ADORA2B: variants seen among roughly 807,000 people sequenced by gnomAD.
ADORA2B encodes the protein adenosine receptor A2b.
A neutral mutation model predicts 20.8 loss-of-function variants in ADORA2B; 18 were observed. The observed-to-expected ratio is 0.87, with a 90% confidence interval of 0.60 to 1.29. The LOEUF (loss-of-function observed/expected upper bound fraction) is 1.29, where lower values mean the gene tolerates loss of function less well. Among genes scored for constraint, ADORA2B ranks in the 50% most tolerant of loss-of-function variants. The pLI, the probability that ADORA2B is intolerant of heterozygous loss-of-function variation, is 0.00. For missense variants in ADORA2B, 441 were observed against 422.7 expected, an observed-to-expected ratio of 1.04 and a Z score of -0.38; for synonymous variants, 179 against 178.3, an observed-to-expected ratio of 1.00 and a Z score of -0.03.
At chr17:15,851,077 C>T in the ADORA2B span, among the ~76,000 whole-genome samples, 1 of 152,070 alleles carries the variant, frequency 6.6e-6, no homozygotes, top group Non-Finnish European at 1.5e-5. Context: ...TATAGCCATA[C>T]TTCTACTGAT....
In ADORA2B at chr17:15,975,583, T is replaced by C; in HGVS notation, c.*241T>C. On this transcript the variant is annotated 3_prime_UTR_variant, in exon 2 of 2. Transcript: ENST00000304222. ...TTACTGTGTGGATTATGCCAACAGC[T>C]TGAATGGATTCTAACAGACTCTTTT... 1.9e-6 allele frequency: 1 copy of C among 520,382 alleles called. No homozygotes were observed. The highest frequency in any genetic ancestry group is 3.1e-5 in the East Asian group (1 of 32,200). The allele number at this position is 520,382 out of a possible 1,614,324, so 32.2% of individuals were successfully genotyped here.
chr17:15,857,109 T>G, the ADORA2B span, among the ~76,000 whole-genome samples: 1 of 152,232 alleles, frequency 6.6e-6, no homozygotes, highest in Non-Finnish European at 1.5e-5. Flanking sequence ...CCAGCTGCTC[T>G]AGCTCCAGTG....
At chr17:15,900,082 G>C in the ADORA2B span, among the ~76,000 whole-genome samples, 1 of 151,894 alleles carries the variant, frequency 6.6e-6, no homozygotes, top group Admixed American at 6.6e-5. Flanking sequence ...CGCTTGCCTC[G>C]GCCTCCCAAA....
At chr17:15,946,194 G>A (rs1342206729) in intron 1 of ADORA2B, among the ~76,000 whole-genome samples, 4 of 152,260 alleles carry the variant, frequency 2.6e-5, no homozygotes, top group African/African-American at 7.2e-5. Flanking sequence ...TTTGGGGAAC[G>A]CTACGGACTC....
At chr17:15,943,175 A>G (rs936664826), upstream of ADORA2B, among the ~76,000 whole-genome samples, 4 of 151,982 alleles carry the variant, frequency 2.6e-5, no homozygotes, top group African/African-American at 7.3e-5. Flanking sequence ...AAGTAACAAA[A>G]CCTCAAGGGA....
chr17:15,882,236 C>T, the ADORA2B span, among the ~76,000 whole-genome samples: 1 of 152,140 alleles, frequency 6.6e-6, no homozygotes, highest in Admixed American at 6.5e-5. Flanking sequence ...GAGCAGAGGC[C>T]AGCATGCCCC....
At chr17:15,968,159 G>A (rs1970144612) in intron 1 of ADORA2B, among the ~76,000 whole-genome samples, 1 of 152,188 alleles carries the variant, frequency 6.6e-6, no homozygotes, top group African/African-American at 2.4e-5. Context: ...TGGGAGTTAT[G>A]TGCCAGGAAC....
At chr17:15,877,780 A>G in the ADORA2B span, among the ~76,000 whole-genome samples, 1 of 151,756 alleles carries the variant, frequency 6.6e-6, no homozygotes, top group Non-Finnish European at 1.5e-5. Flanking sequence ...CCTGTTTTTA[A>G]CCACCTTCAT....
At chr17:15,873,834 G>C in the ADORA2B span, among the ~76,000 whole-genome samples, 12 of 152,102 alleles carry the variant, frequency 7.9e-5, no homozygotes, top group African/African-American at 2.7e-4. Context: ...AAATAGTATG[G>C]CTATTCCTTA....
chr17:15,929,627 A>G, the ADORA2B span, among the ~76,000 whole-genome samples: 2 of 152,252 alleles, frequency 1.3e-5, no homozygotes, highest in African/African-American at 2.4e-5. Context: ...GCATCCATCT[A>G]CAGATAACTG....
chr17:15,966,856 T>TC (rs1422068128), intron 1 of ADORA2B, among the ~76,000 whole-genome samples: 3 of 152,220 alleles, frequency 2.0e-5, no homozygotes, highest in Non-Finnish European at 2.9e-5. Context: ...TTATTCACTC[T>TC]CCTACATTTG....
At chr17:15,865,378 C>T in the ADORA2B span, among the ~76,000 whole-genome samples, 29 of 151,556 alleles carry the variant, frequency 1.9e-4, no homozygotes, top group African/African-American at 5.3e-4. Flanking sequence ...TCTCCTGCCT[C>T]GACCTCCGGA....
the ADORA2B span, among the ~76,000 whole-genome samples, chr17:15,850,850 A>G: frequency 5.9e-5 from 9 of 152,152 alleles, no homozygotes; most frequent in African/African-American, 2.2e-4. Flanking sequence ...TCACTTTATC[A>G]TTGGAATGTG....
At chr17:15,876,449 C>CTTTTTTTTTTTTTTTTTTTTTT in the ADORA2B span, among the ~76,000 whole-genome samples, 1 of 119,298 alleles carries the variant, frequency 8.4e-6, no homozygotes, top group Admixed American at 8.6e-5. Context: ...TTTCTTTTTT[C>CTTTTTTTTTTTTTTTTTTTTTT]TTTTTTTTTT....
In ADORA2B at chr17:15,957,922, GT is replaced by G. The variant is rs1045424369; in HGVS notation, c.335+12348del. Among the ~76,000 whole-genome samples the G allele has an allele frequency of 9.8e-3, 1,475 of 149,836 alleles. 17 individuals carry two copies. Among genetic ancestry groups the G allele is most frequent in the African/African-American group, 0.023 (951 of 40,830 alleles). Reference sequence around the variant, plus strand: ...GCTGATTTTAGCACCACTGCTGAGTGTTTTTTTTTGTTTGTTTGTTTTGTTT... The same window carrying G: ...GCTGATTTTAGCACCACTGCTGAGTGTTTTTTTTGTTTGTTTGTTTTGTTT... On this transcript the variant is annotated intron_variant, in intron 1 of 1. Transcript: ENST00000304222.
At chr17:15,917,782 T>A in the ADORA2B span, among the ~76,000 whole-genome samples, 1 of 152,214 alleles carries the variant, frequency 6.6e-6, no homozygotes, top group Admixed American at 6.5e-5. Context: ...GCTCCGGGCC[T>A]GGCGCGGGCA....
the ADORA2B span, among the ~76,000 whole-genome samples, chr17:15,917,898 G>C: frequency 3.3e-5 from 5 of 152,196 alleles, no homozygotes; most frequent in Non-Finnish European, 7.4e-5. Flanking sequence ...GCTCGGGCTC[G>C]GTCCCAGCCC....
the ADORA2B span, among the ~76,000 whole-genome samples, chr17:15,894,408 C>T: frequency 6.6e-6 from 1 of 152,142 alleles, no homozygotes; most frequent in East Asian, 1.9e-4. Context: ...GAGGAGGCAG[C>T]AGTGCAGAGC....
At chr17:15,907,711 G>T in the ADORA2B span, among the ~76,000 whole-genome samples, 1 of 152,122 alleles carries the variant, frequency 6.6e-6, no homozygotes, top group Non-Finnish European at 1.5e-5. Context: ...ACTTAATGCT[G>T]GTAAAATAAA....
Sources: gnomAD v4.1 joint callset for allele counts (sites outside exome capture counted in the v4.1 genomes callset) on GRCh38, gnomAD v4.1.1 for gene constraint, MANE v1.5 for transcripts, NCBI Gene and HGNC (gene_info 2026-07-23, HGNC 2026-07-21) for gene names.